NDUFAF6: variants seen among roughly 807,000 people sequenced by gnomAD.
NDUFAF6 encodes NADH:ubiquinone oxidoreductase complex assembly factor 6.
NDUFAF6 carries 45 observed loss-of-function variants against 40.8 expected under a neutral mutation model. The ratio of observed to expected loss-of-function variants is 1.10; its 90% CI spans 0.87 to 1.42. The LOEUF is 1.42. Ranked by LOEUF, NDUFAF6 falls within the 40% of genes most tolerant of loss-of-function variation. The probability of loss-of-function intolerance (pLI) is 0.00; values close to 1 mark genes in which losing one functional copy is unlikely to be tolerated. For synonymous variants in NDUFAF6, 185 were observed against 155.9 expected, an observed-to-expected ratio of 1.19 and a Z score of -1.39; for missense variants, 435 against 418.5, an observed-to-expected ratio of 1.04 and a Z score of -0.34.
intron 1 of NDUFAF6, among the ~76,000 whole-genome samples, chr8:94,919,261 A>G (rs1029538219): frequency 2.0e-5 from 3 of 152,026 alleles, no homozygotes; most frequent in Non-Finnish European, 4.4e-5. Flanking sequence ...AGCTCACTTC[A>G]GCCTTGATCT....
intron 1 of NDUFAF6, among the ~76,000 whole-genome samples, chr8:94,899,675 A>C (rs1268775297): frequency 1.3e-5 from 2 of 152,162 alleles, no homozygotes; most frequent in African/African-American, 2.4e-5. Context: ...TCTGTTCCCA[A>C]GTCATTTCCA....
At chr8:94,918,956 T>C (rs916062105) in intron 1 of NDUFAF6, among the ~76,000 whole-genome samples, 1 of 152,240 alleles carries the variant, frequency 6.6e-6, no homozygotes, top group Non-Finnish European at 1.5e-5. Flanking sequence ...GAAGCAACTT[T>C]GGGACACATT....
intron 8 of NDUFAF6, among the ~76,000 whole-genome samples, chr8:95,054,464 T>C (rs942179471): frequency 6.6e-6 from 1 of 151,334 alleles, no homozygotes; most frequent in East Asian, 1.9e-4. Context: ...AGACGGAGTC[T>C]TGCTCTGTTG....
At chr8:95,047,601 C>T (rs558272311) in intron 6 of NDUFAF6, among the ~76,000 whole-genome samples, 2 of 151,152 alleles carry the variant, frequency 1.3e-5, no homozygotes, top group Admixed American at 1.3e-4. Context: ...CCTCCGCCTC[C>T]TGGGTTAAAG....
intron 2 of NDUFAF6, among the ~76,000 whole-genome samples, chr8:95,094,090 C>A (rs930731636): frequency 6.6e-6 from 1 of 152,078 alleles, no homozygotes; most frequent in Non-Finnish European, 1.5e-5. Context: ...CCTGCCTCAG[C>A]CTCCCTAGAA....
intron 1 of NDUFAF6, among the ~76,000 whole-genome samples, chr8:94,923,681 CTTT>C (rs34801186): frequency 2.9e-5 from 4 of 139,858 alleles, no homozygotes; most frequent in African/African-American, 5.2e-5. Flanking sequence ...CTGAATTTTA[CTTT>C]TTTTTTTTTT....
intron 1 of NDUFAF6, among the ~76,000 whole-genome samples, chr8:94,959,740 A>G (rs11776186): frequency 0.13 from 19,695 of 151,858 alleles, 1,624 homozygotes; most frequent in Middle Eastern, 0.23. Flanking sequence ...AGATCCCACT[A>G]TGTTGCTCAG....
chr8:95,027,215 G>C (rs571696093), intron 1 of NDUFAF6, among the ~76,000 whole-genome samples: 101 of 152,098 alleles, frequency 6.6e-4, no homozygotes, highest in Non-Finnish European at 1.4e-3. Context: ...TATTTCAAAT[G>C]CTGAATTTTG....
At chr8:95,056,591 A>G (rs572661104) in intron 8 of NDUFAF6, among the ~76,000 whole-genome samples, 57 of 151,896 alleles carry the variant, frequency 3.8e-4, no homozygotes, top group African/African-American at 1.3e-3. Context: ...TGTTGTCTGT[A>G]TATGTAAGTT....
intron 2 of NDUFAF6, among the ~76,000 whole-genome samples, chr8:94,996,730 G>T (rs1405625701): frequency 1.3e-5 from 2 of 152,152 alleles, no homozygotes; most frequent in East Asian, 1.9e-4. Flanking sequence ...TTGGAAATAG[G>T]GTCTTCATAG....
At chr8:95,113,878 C>T (rs983745320) in intron 4 of NDUFAF6, among the ~76,000 whole-genome samples, 2 of 151,848 alleles carry the variant, frequency 1.3e-5, no homozygotes, top group African/African-American at 4.8e-5. Context: ...AAATTGGAAA[C>T]CATCATTCTC....
intron 2 of NDUFAF6, among the ~76,000 whole-genome samples, chr8:95,004,043 G>A (rs899138712): frequency 3.9e-5 from 6 of 152,176 alleles, no homozygotes; most frequent in African/African-American, 1.4e-4. Flanking sequence ...TAGAGAGAGT[G>A]CTGGTTATTT....
intron 2 of NDUFAF6, among the ~76,000 whole-genome samples, chr8:95,101,623 G>A (rs1809651240): frequency 6.6e-6 from 1 of 152,142 alleles, no homozygotes; most frequent in African/African-American, 2.4e-5. Context: ...GCACCCTAAC[G>A]TTGAAATTCT....
At chr8:95,114,351 G>A (rs1211755209) in intron 4 of NDUFAF6, among the ~76,000 whole-genome samples, 1 of 152,206 alleles carries the variant, frequency 6.6e-6, no homozygotes, top group Non-Finnish European at 1.5e-5. Flanking sequence ...GGAGGTGAAT[G>A]TGAGGGAGGC....
chr8:94,929,484 C>A (rs1009283202), intron 1 of NDUFAF6: 9 of 151,820 alleles, frequency 5.9e-5, no homozygotes, highest in African/African-American at 2.2e-4. Context: ...TGAAAGACAT[C>A]ATCACCAGAC....
At chr8:95,086,367 C>G (rs1809042397) in intron 2 of NDUFAF6, among the ~76,000 whole-genome samples, 1 of 152,230 alleles carries the variant, frequency 6.6e-6, no homozygotes, top group South Asian at 2.1e-4. Context: ...GTACCAATGG[C>G]ACCCCAGATG....
intron 2 of NDUFAF6, among the ~76,000 whole-genome samples, chr8:94,981,176 G>A (rs1825413910): frequency 6.6e-6 from 1 of 152,208 alleles, no homozygotes; most frequent in Admixed American, 6.5e-5. Flanking sequence ...CTCTTGCAGT[G>A]AGTTCTTGTT....
intron 2 of NDUFAF6, among the ~76,000 whole-genome samples, chr8:95,091,431 A>G (rs893363106): frequency 1.3e-5 from 2 of 152,006 alleles, no homozygotes. Flanking sequence ...ACCTCCCACA[A>G]GGTATCTCCC....
In NDUFAF6 at chr8:95,068,025, A is replaced by G. The variant is rs557968739; in HGVS notation, c.*512-7608A>G. 5 of 151,964 alleles carry G rather than the reference A, an allele frequency of 3.3e-5. No individual in the cohort carries two copies. The East Asian group carries it at 9.6e-4, about 29-fold the overall frequency. 9.4% of individuals were successfully genotyped at this position (151,964 alleles called of 1,614,324 possible). A position where few individuals can be genotyped will look rare whatever the true frequency, so the allele number is the denominator to read the frequency against. ...TTAGCTGGAGTAAGTTGTTACTAAG[A>G]GTTTTCTGTTTTGTTAGGCTGCCCC... On this transcript the variant is annotated intron_variant and NMD_transcript_variant, in intron 9 of 9. Transcript: ENST00000520757.
Sources: allele counts gnomAD v4.1 joint callset (sites outside exome capture counted in the v4.1 genomes callset), GRCh38; gene constraint gnomAD v4.1.1; transcripts MANE v1.5; gene names NCBI Gene and HGNC (gene_info 2026-07-23, HGNC 2026-07-21).